Variants in KLHL38 observed in about 807,000 individuals in gnomAD.
The protein encoded by KLHL38 is kelch like family member 38.
Under a neutral mutation model 39.6 loss-of-function variants are expected in KLHL38, and 38 were observed. That is an observed-to-expected ratio of 0.96 (90% CI 0.74 to 1.26). The LOEUF (loss-of-function observed/expected upper bound fraction) is 1.26, where lower values mean the gene tolerates loss of function less well. Among genes scored for constraint, KLHL38 ranks in the 50% most tolerant of loss-of-function variants. KLHL38 has a pLI of 0.00. For missense variants in KLHL38, 803 were observed against 748.1 expected (o/e 1.07, Z -0.86); for synonymous variants, 322 against 302.2 (o/e 1.07, Z -0.68).
intron 2 of KLHL38, among the ~76,000 whole-genome samples, chr8:123,647,833 C>T (rs575051532): frequency 1.3e-5 from 2 of 152,310 alleles, no homozygotes; most frequent in African/African-American, 2.4e-5. Context: ...AATCTCAGCA[C>T]TTTGGGAGGC....
chr8:123,651,297 A>G (rs528533660), intron 2 of KLHL38, among the ~76,000 whole-genome samples: 1 of 152,302 alleles, frequency 6.6e-6, no homozygotes, highest in Admixed American at 6.5e-5. Flanking sequence ...GCATGCATGA[A>G]TTGTATATGT....
In KLHL38 at chr8:123,652,768, G is replaced by A; in HGVS notation, c.159C>T (p.Ala53=). 6.2e-7 allele frequency: 1 copy of A among 1,614,192 alleles called. No homozygotes were observed. Among genetic ancestry groups the A allele is most frequent in the Non-Finnish European group, 8.5e-7 (1 of 1,180,028 alleles). ...REIPCHRNVL[A]SSSPYFRAMF... ...TAGCCCTGAAGTAGGGGCTGCTGGA[G>A]GCCAGCACGTTGCGGTGGCAGGGGA... Residue 53 remains alanine (A), a synonymous_variant, in exon 2 of 4, where the codon GCC becomes GCT. Transcript: ENST00000684634.
rs528324537 is a variant in KLHL38 at position 123,646,863 on chromosome 8, G to T, written c.1456+46C>A. On this transcript the variant is annotated intron_variant, in intron 3 of 3. Transcript: ENST00000684634. Reference sequence around the variant, plus strand: ...TATGAGTGACCTTTTTTCCATAGAAGGTGCCAAGTTTGTGTCACGCCCAGT... The same window carrying T: ...TATGAGTGACCTTTTTTCCATAGAATGTGCCAAGTTTGTGTCACGCCCAGT... 6.1e-6 allele frequency: 8 copies of T among 1,319,718 alleles called. No individual in the cohort carries two copies. In the South Asian group the frequency reaches 7.6e-5, roughly 12 times the overall value. 81.8% of individuals were successfully genotyped at this position (1,319,718 alleles called of 1,614,324 possible).
intron 2 of KLHL38, among the ~76,000 whole-genome samples, chr8:123,649,300 C>G (rs931620184): frequency 2.0e-5 from 3 of 152,114 alleles, no homozygotes; most frequent in Admixed American, 6.5e-5. Context: ...ATGTCTCCCC[C>G]ACTTCAAGTA....
intron 2 of KLHL38, 109 bp downstream of exon 2, chr8:123,651,468 G>T: frequency 9.0e-7 from 1 of 1,114,404 alleles, no homozygotes; most frequent in Non-Finnish European, 1.3e-6. Flanking sequence ...GTGCATATAT[G>T]TGTTTTTTGG....
intron 2 of KLHL38, among the ~76,000 whole-genome samples, chr8:123,649,671 T>C (rs1456543576): frequency 6.6e-6 from 1 of 152,118 alleles, no homozygotes; most frequent in Non-Finnish European, 1.5e-5. Context: ...GCCAACCTCA[T>C]CTCCACAGAT....
rs1014437971 is a variant in KLHL38, at chr8:123,644,705, G to T, written c.*1034C>A. On this transcript the variant is annotated 3_prime_UTR_variant, in exon 4 of 4. Transcript: ENST00000684634. ...TCTGGATTTCTCTCTTTGGGGAAAT[G>T]CTTCTAACCCATTATATGCAGTTTG... Among the ~76,000 whole-genome samples the T allele has an allele frequency of 1.3e-5, 2 of 152,130 alleles. No individual in the cohort carries two copies. Among genetic ancestry groups the T allele is most frequent in the African/African-American group, 4.8e-5 (2 of 41,416 alleles).
At chr8:123,647,123 C>A (rs1392610790) in intron 2 of KLHL38, 109 bp from the exon 3 acceptor site, 7 of 676,880 alleles carry the variant, frequency 1.0e-5, no homozygotes, top group Non-Finnish European at 1.9e-5. Context: ...TTTCTGTCTG[C>A]TTTTTTCCAG....
At chr8:123,651,532 A>C in intron 2 of KLHL38, 45 bp downstream of exon 2, 1 of 1,525,972 alleles carries the variant, frequency 6.6e-7, no homozygotes, top group Non-Finnish European at 8.7e-7. Flanking sequence ...GTGTCCAAGC[A>C]CACATACTCA....
At chr8:123,646,238 C>T (rs1315714337) in intron 3 of KLHL38, among the ~76,000 whole-genome samples, 1 of 152,206 alleles carries the variant, frequency 6.6e-6, no homozygotes, top group Non-Finnish European at 1.5e-5. Flanking sequence ...GACCTTCACC[C>T]CAAGTTAAGG....
In KLHL38 at chr8:123,645,359, C is replaced by G. The variant is rs974297931; in HGVS notation, c.*380G>C. 1.7e-4 allele frequency among the ~76,000 whole-genome samples: 26 copies of G among 151,532 alleles called. No homozygotes were observed. The highest frequency in any genetic ancestry group is 6.3e-4 in the African/African-American group (26 of 41,208). On this transcript the variant is annotated 3_prime_UTR_variant, in exon 4 of 4. Transcript: ENST00000684634. The stretch of plus-strand genomic sequence containing the variant: ...GGCTGAGGCGTGAGAATCGCTTGAA[C>G]CTGGGAGGTGGGGGTTTCAGTGAGC...
intron 1 of KLHL38, among the ~76,000 whole-genome samples, 195 bp from the exon 2 acceptor site, chr8:123,653,122 C>A (rs752417485): frequency 7.2e-5 from 11 of 152,036 alleles, no homozygotes; most frequent in Non-Finnish European, 1.5e-4. Context: ...GACCTGAGCC[C>A]TTTTGGGTTA....
Position 123,652,650 on chromosome 8 carries a change from A to G in KLHL38, c.277T>C (p.Tyr93His). Residue 93 changes from tyrosine (Y) to histidine (H), a missense_variant, in exon 2 of 4, where the codon TAT becomes CAT. Transcript: ENST00000684634. ...PTLDQIVSYV[Y>H]TGEAHIATDN... Reference sequence around the variant, plus strand: ...GTGGCAATATGTGCCTCCCCCGTATACACGTAGGAGACGATCTGGTCCAGG... The same window carrying G: ...GTGGCAATATGTGCCTCCCCCGTATGCACGTAGGAGACGATCTGGTCCAGG... 6.2e-7 allele frequency: 1 copy of G among 1,614,192 alleles called. No homozygotes were observed. Among genetic ancestry groups the G allele is most frequent in the Non-Finnish European group, 8.5e-7 (1 of 1,180,036 alleles).
Position 123,645,301 on chromosome 8 carries a change from G to T in KLHL38, c.*438C>A, listed in dbSNP as rs1818640869. Reference sequence around the variant, plus strand: ...AAAACGCAAAAATTAGCTGGACTTGGTGGCACATGCCTATAATCCCAGCTA... The same window carrying T: ...AAAACGCAAAAATTAGCTGGACTTGTTGGCACATGCCTATAATCCCAGCTA... On this transcript the variant is annotated 3_prime_UTR_variant, in exon 4 of 4. Transcript: ENST00000684634. 6.6e-6 allele frequency among the ~76,000 whole-genome samples: 1 copy of T among 152,164 alleles called. No individual in the cohort carries two copies.
At chr8:123,649,216 A>G (rs1254283362) in intron 2 of KLHL38, among the ~76,000 whole-genome samples, 1 of 152,134 alleles carries the variant, frequency 6.6e-6, no homozygotes, top group African/African-American at 2.4e-5. Flanking sequence ...AATAGAAAAG[A>G]AGGAGGGGCT....
chr8:123,648,287 C>G (rs571655176), intron 2 of KLHL38, among the ~76,000 whole-genome samples: 13 of 152,110 alleles, frequency 8.5e-5, no homozygotes, highest in Admixed American at 7.2e-4. Flanking sequence ...TGACCAAGCC[C>G]AGAATCCATG....
In KLHL38 at chr8:123,645,967, G is replaced by A. The variant is rs1326611067; in HGVS notation, c.1518C>T (p.Asp506=). The change falls in exon 4 of 4, where the codon GAC becomes GAT. Residue 506 remains aspartate, a synonymous_variant. Transcript: ENST00000684634. ...CATGGTGCATCCTCCGGTCTTTCAT[G>A]TCCGCACATTTGACAAATTTGTTGG... ...PQSNKFVKCA[D]MKDRRMHHGA... The A allele has an allele frequency of 6.2e-7, 1 of 1,614,134 alleles. No individual in the cohort carries two copies. Among genetic ancestry groups the A allele is most frequent in the South Asian group, 1.1e-5 (1 of 91,076 alleles).
rs181014083 is a variant in KLHL38, at chr8:123,645,740, C to T, written c.1745G>A (p.Ter582=). ...AGGGCAGAAGGTTTCTTGTCGACCT[C>T]ATGGGAGGCCAGACGTGCGGGGTAT... The part of the protein sequence containing the change: ...QCIPRTSGLP[*] Residue 582 remains the stop codon, a stop_retained_variant, in exon 4 of 4, where the codon TGA becomes TAA. Coordinates refer to ENST00000684634, the MANE Select transcript of KLHL38 (RefSeq NM_001081675.3). 10 of 1,612,764 alleles carry T rather than the reference C, an allele frequency of 6.2e-6. No homozygotes were observed. Among genetic ancestry groups the T allele is most frequent in the African/African-American group, 4.0e-5 (3 of 74,950 alleles).
rs28742115 is a variant in KLHL38, at chr8:123,652,417, G to C, written c.510C>G (p.Ala170=). The stretch of plus-strand genomic sequence containing the variant: ...CCAAGGCACAGAGCTCCTTCAGGTC[G>C]GCCGATGCGGCCACCTCTGGGAAGG... ...LTSFPEVAAS[A]DLKELCALEL... is the part of the protein sequence containing the mutation. Residue 170 remains alanine, a synonymous_variant, in exon 2 of 4, where the codon GCC becomes GCG. Transcript: ENST00000684634. 1.2e-6 allele frequency: 2 copies of C among 1,614,098 alleles called. No homozygotes were observed.
Sources: allele counts gnomAD v4.1 joint callset (sites outside exome capture counted in the v4.1 genomes callset), GRCh38; gene constraint gnomAD v4.1.1; transcripts MANE v1.5; gene names NCBI Gene and HGNC (gene_info 2026-07-23, HGNC 2026-07-21).